The following PARP4 variants were observed in gnomAD, a reference collection of about 807,000 sequenced individuals.
The protein encoded by PARP4 is poly(ADP-ribose) polymerase family member 4.
A neutral mutation model predicts 187.7 loss-of-function variants in PARP4; 120 were observed. The ratio of observed to expected loss-of-function variants is 0.64; its 90% CI spans 0.55 to 0.74. The LOEUF is 0.74. Among genes scored for constraint, PARP4 ranks in the 30% least tolerant of loss-of-function variants. PARP4 has a pLI of 0.00. For synonymous variants in PARP4, 654 were observed against 740.9 expected, an observed-to-expected ratio of 0.88 and a Z score of 1.90; for missense variants, 1,836 against 2,070.5, an observed-to-expected ratio of 0.89 and a Z score of 2.20.
chr13:24,494,375 C>T (rs1043667544), intron 7 of PARP4, among the ~76,000 whole-genome samples, 198 bp downstream of exon 7: 2 of 152,058 alleles, frequency 1.3e-5, no homozygotes, highest in African/African-American at 4.8e-5. Flanking sequence ...TTTCAGTTTA[C>T]GTAGAAATGG....
chr13:24,503,809 C>A (rs1566022638), intron 1 of PARP4, 32 bp from the exon 2 acceptor site: 1 of 1,595,264 alleles, frequency 6.3e-7, no homozygotes, highest in Admixed American at 1.7e-5. Context: ...AGGACCCTCT[C>A]TTAAGTCAAT....
chr13:24,452,696 C>A (rs1244808921), intron 23 of PARP4, 103 bp from the exon 24 acceptor site: 10 of 836,614 alleles, frequency 1.2e-5, no homozygotes, highest in Non-Finnish European at 1.7e-5. Flanking sequence ...TATGGTGACA[C>A]CGAAAATATT....
intron 33 of PARP4, among the ~76,000 whole-genome samples, chr13:24,422,261 A>G (rs905986364): frequency 7.9e-5 from 12 of 152,230 alleles, no homozygotes; most frequent in African/African-American, 2.7e-4. Context: ...CAAACTTAAC[A>G]TGCTTACTAG....
At chr13:24,479,332 A>G (rs1873144121) in intron 12 of PARP4, among the ~76,000 whole-genome samples, 1 of 151,832 alleles carries the variant, frequency 6.6e-6, no homozygotes, top group East Asian at 1.9e-4. Context: ...TGCAACTTAC[A>G]AGCATGCTTT....
chr13:24,505,063 G>T (rs985394389), intron 1 of PARP4, among the ~76,000 whole-genome samples: 1 of 148,836 alleles, frequency 6.7e-6, no homozygotes, highest in Non-Finnish European at 1.5e-5. Context: ...GAGTGCAGTA[G>T]CAGATCTCAG....
chr13:24,425,928 G>T (rs1870027799), intron 33 of PARP4, among the ~76,000 whole-genome samples: 1 of 152,236 alleles, frequency 6.6e-6, no homozygotes, highest in South Asian at 2.1e-4. Context: ...GGTGCTGGGG[G>T]TCAACCAAGG....
At chr13:24,503,601 G>A in intron 2 of PARP4, 44 bp downstream of exon 2, 1 of 1,605,452 alleles carries the variant, frequency 6.2e-7, no homozygotes, top group Non-Finnish European at 8.5e-7. Flanking sequence ...TTCCCTGAAT[G>A]CGCAATGTTT....
intron 10 of PARP4, among the ~76,000 whole-genome samples, chr13:24,489,481 G>A (rs1487775504): frequency 2.6e-5 from 4 of 152,096 alleles, no homozygotes; most frequent in South Asian, 2.1e-4. Context: ...GGTGGCGTGC[G>A]TCTATAGTCC....
In PARP4 at chr13:24,426,575, G is replaced by A; in HGVS notation, c.4870C>T (p.Leu1624=). The change falls in exon 33 of 34, where the codon CTG becomes TTG. Residue 1624 remains leucine, a synonymous_variant. Transcript: ENST00000381989. ...SLGVKGRECL[L]DLIATMLVLQ... is the part of the protein sequence containing the mutation. The stretch of plus-strand genomic sequence containing the variant: ...ACCAGCATTGTGGCAATTAGGTCCA[G>A]GAGACATTCTCTTCCTTTTACACCT... 1.2e-6 allele frequency: 2 copies of A among 1,612,550 alleles called. No individual in the cohort carries two copies. The highest frequency in any genetic ancestry group is 1.7e-6 in the Non-Finnish European group (2 of 1,179,500).
intron 6 of PARP4, among the ~76,000 whole-genome samples, 157 bp from the exon 7 acceptor site, chr13:24,494,879 C>CTTTTTTTTTTTT (rs139965809): frequency 6.8e-5 from 10 of 146,614 alleles, no homozygotes; most frequent in Admixed American, 2.0e-4. Context: ...TTTTCTTTTT[C>CTTTTTTTTTTTT]TTTTTTTTTT....
At chr13:24,490,249 G>A (rs773745641) in intron 10 of PARP4, among the ~76,000 whole-genome samples, 3 of 149,912 alleles carry the variant, frequency 2.0e-5, no homozygotes, top group Non-Finnish European at 4.5e-5. Flanking sequence ...GAGGGCCCAA[G>A]TGTAACTGGT....
chr13:24,421,620 C>A (rs1288468770), intron 33 of PARP4, among the ~76,000 whole-genome samples: 3 of 151,816 alleles, frequency 2.0e-5, no homozygotes, highest in Non-Finnish European at 2.9e-5. Flanking sequence ...CCCCTTTCCA[C>A]GCTTCTCAGT....
chr13:24,458,062 A>G (rs67794370), intron 20 of PARP4, among the ~76,000 whole-genome samples: 17,849 of 151,736 alleles, frequency 0.12, 1,195 homozygotes, highest in African/African-American at 0.15. Flanking sequence ...CTTGAACCCA[A>G]GAGTTTGAGA....
intron 22 of PARP4, 69 bp downstream of exon 22, chr13:24,454,948 G>T (rs540402838): frequency 2.3e-6 from 3 of 1,308,270 alleles, no homozygotes; most frequent in Non-Finnish European, 3.1e-6. Flanking sequence ...ACCCACAGTT[G>T]TCAGCTCTAC....
At chr13:24,498,897 T>C (rs1161691494) in intron 5 of PARP4, among the ~76,000 whole-genome samples, 3 of 152,268 alleles carry the variant, frequency 2.0e-5, no homozygotes, top group Non-Finnish European at 2.9e-5. Context: ...TAATGCCATA[T>C]TGATATTTTA....
chr13:24,482,474 T>C (rs1164643988), intron 12 of PARP4, among the ~76,000 whole-genome samples: 1 of 152,246 alleles, frequency 6.6e-6, no homozygotes, highest in Non-Finnish European at 1.5e-5. Flanking sequence ...TTCATTGTTG[T>C]CTTATTTTAA....
Position 24,440,412 on chromosome 13 carries a change from T to C in PARP4, c.3666+1434A>G, listed in dbSNP as rs917488373. On this transcript the variant is annotated intron_variant, in intron 30 of 33. Coordinates refer to ENST00000381989, the MANE Select transcript of PARP4 (RefSeq NM_006437.4). Reference sequence around the variant, plus strand: ...GACTCTATCTCAAAAAAAAAAAAAATTAAAATTAAAAAAAAAAAAAAAAAA... The same window carrying C: ...GACTCTATCTCAAAAAAAAAAAAAACTAAAATTAAAAAAAAAAAAAAAAAA... Among the ~76,000 whole-genome samples the C allele has an allele frequency of 5.4e-4, 34 of 62,910 alleles. No individual in the cohort carries two copies. In the South Asian group the frequency reaches 0.022, roughly 40 times the overall value. 41.3% of individuals were successfully genotyped at this position (62,910 alleles called of 152,430 possible). A position where few individuals can be genotyped will look rare whatever the true frequency, so the allele number is the denominator to read the frequency against.
chr13:24,500,218 G>T, intron 4 of PARP4, 98 bp downstream of exon 4: 1 of 606,118 alleles, frequency 1.6e-6, no homozygotes. Context: ...ATTAAAATAA[G>T]AAAAAGTCTA....
At chr13:24,424,926 G>A (rs1336243194) in intron 33 of PARP4, among the ~76,000 whole-genome samples, 21 of 151,224 alleles carry the variant, frequency 1.4e-4, no homozygotes, top group African/African-American at 3.9e-4. Context: ...CTCGTGATCT[G>A]CCCACCTCGG....
Sources: allele counts gnomAD v4.1 joint callset (sites outside exome capture counted in the v4.1 genomes callset), GRCh38; gene constraint gnomAD v4.1.1; transcripts MANE v1.5; gene names NCBI Gene and HGNC (gene_info 2026-07-23, HGNC 2026-07-21).